Variants in SEMA4D observed in about 807,000 individuals in gnomAD.
The protein encoded by SEMA4D is semaphorin-4D.
SEMA4D carries 22 observed loss-of-function variants against 74.8 expected under a neutral mutation model. That is an observed-to-expected ratio of 0.29 (90% confidence interval 0.21 to 0.42). The LOEUF (loss-of-function observed/expected upper bound fraction) is 0.42, where lower values mean the gene tolerates loss of function less well. Ranked by LOEUF, SEMA4D falls within the 10% of genes least tolerant of loss-of-function variation. The pLI is 1.00. For missense variants in SEMA4D, 937 were observed against 1,118.4 expected, an observed-to-expected ratio of 0.84 and a Z score of 2.31; for synonymous variants, 445 against 463.7, an observed-to-expected ratio of 0.96 and a Z score of 0.52.
At chr9:89,380,003 T>C (rs1836650883) in intron 15 of SEMA4D, among the ~76,000 whole-genome samples, 1 of 152,204 alleles carries the variant, frequency 6.6e-6, no homozygotes, top group African/African-American at 2.4e-5. Flanking sequence ...TTTCAGTGCA[T>C]CTCAGCACTC....
At chr9:89,441,079 T>A (rs1851571496) in intron 2 of SEMA4D, among the ~76,000 whole-genome samples, 1 of 152,234 alleles carries the variant, frequency 6.6e-6, no homozygotes, top group Non-Finnish European at 1.5e-5. Context: ...AGCTGCTCCC[T>A]CAGCAAACCA....
At chr9:89,486,780 G>T (rs1485220884) in intron 1 of SEMA4D, among the ~76,000 whole-genome samples, 1 of 152,148 alleles carries the variant, frequency 6.6e-6, no homozygotes, top group Non-Finnish European at 1.5e-5. Flanking sequence ...AGTGGTGTAT[G>T]CTTGTAGTCC....
chr9:89,497,671 G>C (rs1826140287), intron 1 of SEMA4D, among the ~76,000 whole-genome samples: 1 of 151,614 alleles, frequency 6.6e-6, no homozygotes, highest in Non-Finnish European at 1.5e-5. Context: ...AGAGGTCCAG[G>C]GGGTCGGAGG....
chr9:89,491,872 G>C (rs1373155187), intron 1 of SEMA4D, among the ~76,000 whole-genome samples: 1 of 152,050 alleles, frequency 6.6e-6, no homozygotes, highest in Non-Finnish European at 1.5e-5. Flanking sequence ...GTGGGCCCCG[G>C]GGCCAAGAGG....
chr9:89,435,791 C>T (rs1850262913), intron 2 of SEMA4D, among the ~76,000 whole-genome samples: 1 of 152,246 alleles, frequency 6.6e-6, no homozygotes, highest in African/African-American at 2.4e-5. Flanking sequence ...AGGGCCACGC[C>T]CACAGGTTGC....
chr9:89,468,068 C>T (rs376982311), intron 1 of SEMA4D, among the ~76,000 whole-genome samples: 2 of 152,160 alleles, frequency 1.3e-5, no homozygotes. Context: ...CTAGGGTAGT[C>T]GTGGTGTTAG....
intron 2 of SEMA4D, among the ~76,000 whole-genome samples, chr9:89,433,391 T>TGGGGAGGGGTCTCCAATCGGC (rs1849692609): frequency 6.6e-6 from 1 of 151,864 alleles, no homozygotes; most frequent in African/African-American, 2.4e-5. Flanking sequence ...TCCTTGATAG[T>TGGGGAGGGGTCTCCAATCGGC]GGGGAGGGGT....
At chr9:89,382,408 C>G (rs975399357) in intron 13 of SEMA4D, among the ~76,000 whole-genome samples, 1 of 152,190 alleles carries the variant, frequency 6.6e-6, no homozygotes, top group African/African-American at 2.4e-5. Context: ...AGGATACGCT[C>G]GGAGTCAACT....
At position 89,381,031 on chromosome 9, in the gene SEMA4D, AT is replaced by A. The variant is rs1412589140; in HGVS notation, c.1663+23del. 2 of 1,613,430 alleles carry A rather than the reference AT, an allele frequency of 1.2e-6. No homozygotes were observed. Among genetic ancestry groups the A allele is most frequent in the South Asian group, 2.2e-5 (2 of 91,070 alleles). ...CAAGACCTCGCCACTCCCAAAGGAAATGGGACGTCGAGGAGTCACTCACCCG... is the reference window on the plus strand; with the variant it reads ...CAAGACCTCGCCACTCCCAAAGGAAAGGGACGTCGAGGAGTCACTCACCCG... On this transcript the variant is annotated intron_variant, in intron 15 of 15. Transcript: ENST00000422704. This position sits in a 1 kb window ranked among gnomAD's most constrained non-coding sequence, Gnocchi z 4.6.
At chr9:89,386,808 C>T (rs1838616793) in intron 12 of SEMA4D, 1 of 294,786 alleles carries the variant, frequency 3.4e-6, no homozygotes, top group Non-Finnish European at 6.5e-6. Flanking sequence ...CTCCACCAGC[C>T]CTCGGGGTGT....
chr9:89,477,912 G>C (rs952368932), intron 1 of SEMA4D, among the ~76,000 whole-genome samples: 1 of 152,084 alleles, frequency 6.6e-6, no homozygotes, highest in Non-Finnish European at 1.5e-5. Flanking sequence ...AGAAAAACTC[G>C]CATAAAAAAG....
chr9:89,433,965 T>G (rs891505850), intron 2 of SEMA4D, among the ~76,000 whole-genome samples: 3 of 152,186 alleles, frequency 2.0e-5, no homozygotes, highest in African/African-American at 2.4e-5. Flanking sequence ...GAAGCCCCCA[T>G]GCAGACGTGG....
At chr9:89,466,850 G>A (rs922866353) in intron 1 of SEMA4D, among the ~76,000 whole-genome samples, 3 of 152,158 alleles carry the variant, frequency 2.0e-5, no homozygotes, top group Non-Finnish European at 2.9e-5. Context: ...GTCATTATCG[G>A]AGCCTCCTTC....
chr9:89,413,788 C>T (rs1406008175), intron 2 of SEMA4D, among the ~76,000 whole-genome samples: 1 of 152,196 alleles, frequency 6.6e-6, no homozygotes, highest in African/African-American at 2.4e-5. Context: ...ACATATGTAT[C>T]TGTGTATGCA....
At chr9:89,412,334 C>T (rs1844714769) in intron 2 of SEMA4D, among the ~76,000 whole-genome samples, 1 of 152,180 alleles carries the variant, frequency 6.6e-6, no homozygotes, top group Non-Finnish European at 1.5e-5. Context: ...GCAAAGCCAT[C>T]CCCAAACGAA....
In SEMA4D at chr9:89,378,621, C is replaced by T; in HGVS notation, c.*83G>A. Reference sequence around the variant, plus strand: ...AACCTACGCAGCACTGCACGAGACTCGGATACTGAACAGGAGAAACACAAA... The same window carrying T: ...AACCTACGCAGCACTGCACGAGACTTGGATACTGAACAGGAGAAACACAAA... On this transcript the variant is annotated 3_prime_UTR_variant, in exon 16 of 16. Transcript: ENST00000422704. 3.8e-6 allele frequency: 4 copies of T among 1,058,098 alleles called. No individual in the cohort carries two copies. The highest frequency in any genetic ancestry group is 2.4e-5 in the East Asian group (1 of 41,030). The allele number at this position is 1,058,098 out of a possible 1,614,324, so 65.5% of individuals were successfully genotyped here. A position where few individuals can be genotyped will look rare whatever the true frequency, so the allele number is the denominator to read the frequency against.
At chr9:89,382,602 A>AC (rs1353215477) in intron 13 of SEMA4D, among the ~76,000 whole-genome samples, 5 of 152,182 alleles carry the variant, frequency 3.3e-5, no homozygotes, top group Non-Finnish European at 1.5e-5. Flanking sequence ...AGCAGCAGAG[A>AC]CCTGGGCAGA....
chr9:89,468,730 T>C (rs1859393991), intron 1 of SEMA4D, among the ~76,000 whole-genome samples: 2 of 152,188 alleles, frequency 1.3e-5, no homozygotes, highest in African/African-American at 4.8e-5. Flanking sequence ...CTTCTCACTC[T>C]GGTATAAGGC....
intron 16 of SEMA4D, chr9:89,367,386 C>T (rs1833842284): frequency 6.6e-6 from 1 of 152,242 alleles, no homozygotes; most frequent in Admixed American, 6.5e-5. Flanking sequence ...GCCAGTGCTC[C>T]AAGCTCCCTA....
Sources: allele counts gnomAD v4.1 joint callset (sites outside exome capture counted in the v4.1 genomes callset), GRCh38; gene constraint gnomAD v4.1.1; non-coding constraint Gnocchi (gnomAD v3.1); transcripts MANE v1.5; gene names NCBI Gene and HGNC (gene_info 2026-07-23, HGNC 2026-07-21).